IQANK1: variants seen among roughly 807,000 people sequenced by gnomAD.
IQANK1 encodes the protein IQ motif and ankyrin repeat containing 1.
Under a neutral mutation model 22.6 loss-of-function variants are expected in IQANK1, and 30 were observed. The observed-to-expected ratio is 1.33, with a 90% CI of 0.99 to 1.80. IQANK1 has a LOEUF of 1.80. Among genes scored for constraint, IQANK1 ranks in the 40% most tolerant of loss-of-function variants. The probability of loss-of-function intolerance (pLI) is 0.00; values close to 1 mark genes in which losing one functional copy is unlikely to be tolerated. For synonymous variants in IQANK1, 122 were observed against 99.6 expected (o/e 1.23, Z -1.34); for missense variants, 275 against 235.2 (o/e 1.17, Z -1.11).
rs782326772 is a variant in IQANK1 at position 143,742,462 on chromosome 8, G to A, written c.175+2514G>A. The A allele has an allele frequency of 6.1e-4, 277 of 455,950 alleles. 1 individual carries two copies. Among genetic ancestry groups the A allele is most frequent in the Non-Finnish European group, 8.8e-4 (199 of 226,810 alleles). The allele number at this position is 455,950 out of a possible 1,614,324, so 28.2% of individuals were successfully genotyped here. ...TCTGAGCTGCAAAAGGGGCGAATGCGATGTAGACACTTGGGCCCCGGGACT... is the reference window on the plus strand; with the variant it reads ...TCTGAGCTGCAAAAGGGGCGAATGCAATGTAGACACTTGGGCCCCGGGACT... On this transcript the variant is annotated intron_variant, in intron 3 of 13. Transcript: ENST00000527139.
intron 3 of IQANK1, among the ~76,000 whole-genome samples, chr8:143,747,658 A>G (rs1819057159): frequency 6.6e-6 from 1 of 151,834 alleles, no homozygotes; most frequent in Non-Finnish European, 1.5e-5. Flanking sequence ...AAAAAAGAGT[A>G]TATTGTTTAA....
chr8:143,743,743 G>T (rs782324784), intron 3 of IQANK1: 1 of 331,918 alleles, frequency 3.0e-6, no homozygotes, highest in Non-Finnish European at 5.9e-6. Context: ...AAATGATTTT[G>T]TTGTGTGAAT....
At chr8:143,768,297 G>A (rs1554629405) in intron 3 of IQANK1, among the ~76,000 whole-genome samples, 1 of 152,062 alleles carries the variant, frequency 6.6e-6, no homozygotes, top group African/African-American at 2.4e-5. Flanking sequence ...TTGTGACGTT[G>A]CCCTCGATCA....
At chr8:143,752,996 G>GGTTTTTTTTTTTTTTTT (rs368071885) in intron 3 of IQANK1, among the ~76,000 whole-genome samples, 1 of 69,904 alleles carries the variant, frequency 1.4e-5, no homozygotes, top group African/African-American at 6.2e-5. Flanking sequence ...CTCTCTGTTC[G>GGTTTTTTTTTTTTTTTT]TTTTTTTTTT....
intron 3 of IQANK1, chr8:143,759,207 T>C (rs1819346559): frequency 8.7e-6 from 2 of 229,736 alleles, no homozygotes; most frequent in Non-Finnish European, 1.8e-5. Flanking sequence ...GCAGCACTGC[T>C]TCACACTAGG....
chr8:143,787,634 G>A (rs1819917008), intron 7 of IQANK1, among the ~76,000 whole-genome samples: 2 of 152,096 alleles, frequency 1.3e-5, no homozygotes, highest in African/African-American at 4.8e-5. Flanking sequence ...CCAGTCTCCT[G>A]GAAGAGCTAC....
chr8:143,772,425 C>T lies in IQANK1; in HGVS notation c.732C>T (p.Leu244=). The T allele has an allele frequency of 2.5e-6, 1 of 399,354 alleles. No homozygotes were observed. Among genetic ancestry groups the T allele is most frequent in the Non-Finnish European group, 4.4e-6 (1 of 226,398 alleles). The allele number at this position is 399,354 out of a possible 1,614,324, so 24.7% of individuals were successfully genotyped here. A position where few individuals can be genotyped will look rare whatever the true frequency, so the allele number is the denominator to read the frequency against. ...GCCACCTGGCAGCTGTGGAGGTGCT[C>T]CTGAAGCTCGGAGCAGACCCCCGGG... ...FGGHLAAVEV[L]LKLGADPRVY... is the part of the protein sequence containing the mutation. Residue 244 remains leucine, a synonymous_variant, in exon 7 of 14, where the codon CTC becomes CTT. Coordinates refer to ENST00000527139, the MANE Select transcript of IQANK1 (RefSeq NM_001381874.1).
At chr8:143,744,633 G>A (rs1231545760) in intron 3 of IQANK1, 1 of 152,154 alleles carries the variant, frequency 6.6e-6, no homozygotes, top group Non-Finnish European at 1.5e-5. Context: ...AATGGAGATG[G>A]AAACCACCAC....
At chr8:143,787,851 C>G (rs1819923247) in intron 7 of IQANK1, among the ~76,000 whole-genome samples, 1 of 152,052 alleles carries the variant, frequency 6.6e-6, no homozygotes, top group Admixed American at 6.6e-5. Context: ...GCAGTGCCTT[C>G]TGCTTGCTCC....
At chr8:143,759,825 T>A (rs1340659273) in intron 3 of IQANK1, 1 of 152,192 alleles carries the variant, frequency 6.6e-6, no homozygotes, top group Non-Finnish European at 1.5e-5. Context: ...AAAGAAAAAT[T>A]GCAGGGCTTC....
intron 7 of IQANK1, among the ~76,000 whole-genome samples, chr8:143,785,091 A>G (rs1819861891): frequency 6.6e-6 from 1 of 151,018 alleles, no homozygotes; most frequent in Non-Finnish European, 1.5e-5. Flanking sequence ...GCTCTCTGCT[A>G]AAATCAATCT....
At position 143,771,574 on chromosome 8, in the gene IQANK1, G is replaced by GAGCGCCGGGAGT; in HGVS notation, c.264_275dup (p.Glu91_Tyr92insTer). The GAGCGCCGGGAGT allele has an allele frequency of 2.5e-6, 1 of 398,344 alleles. No homozygotes were observed. Among genetic ancestry groups the GAGCGCCGGGAGT allele is most frequent in the Non-Finnish European group, 4.4e-6 (1 of 225,876 alleles). 24.7% of individuals were successfully genotyped at this position (398,344 alleles called of 1,614,324 possible). Reference sequence around the variant, plus strand: ...GAGGGAGCTCGCCCGCCGCCGGGAGGAGCGCCGGGAGTACCTGGAGCAGAT... The same window carrying GAGCGCCGGGAGT: ...GAGGGAGCTCGCCCGCCGCCGGGAGGAGCGCCGGGAGTAGCGCCGGGAGTACCTGGAGCAGAT... On this transcript the variant is annotated stop_gained and inframe_insertion, in exon 4 of 14. Coordinates refer to ENST00000527139, the MANE Select transcript of IQANK1 (RefSeq NM_001381874.1). LOFTEE classifies it high-confidence loss of function. The surrounding 1 kb of genome is among the most constrained non-coding windows in gnomAD (Gnocchi z 6.0).
rs1216795835 is a variant in IQANK1, at chr8:143,766,349, T to C, written c.176-5139T>C. On this transcript the variant is annotated intron_variant, in intron 3 of 13. Transcript: ENST00000527139. ...TTCTCCCACTCACTGGCATTTTTAC[T>C]TTCAATGGTGTCTTCTCGTGAATAG... is the stretch of plus-strand genomic sequence containing the variant. 5.3e-5 allele frequency among the ~76,000 whole-genome samples: 8 copies of C among 152,322 alleles called. No individual in the cohort carries two copies. In the East Asian group the frequency reaches 1.5e-3, roughly 29 times the overall value.
At chr8:143,788,397 C>T (rs1459525971) in intron 7 of IQANK1, among the ~76,000 whole-genome samples, 3 of 152,244 alleles carry the variant, frequency 2.0e-5, no homozygotes, top group African/African-American at 7.2e-5. Context: ...CGGCTCTCTG[C>T]ACCCACTCCT....
chr8:143,755,609 C>G (rs1181049313), intron 3 of IQANK1, among the ~76,000 whole-genome samples: 7 of 152,182 alleles, frequency 4.6e-5, no homozygotes, highest in Non-Finnish European at 1.0e-4. Context: ...AGTGATCCTC[C>G]CGCCTTGGCC....
intron 7 of IQANK1, among the ~76,000 whole-genome samples, chr8:143,780,137 T>C (rs964974829): frequency 2.9e-4 from 44 of 152,260 alleles, no homozygotes; most frequent in African/African-American, 1.0e-3. Flanking sequence ...TCTCCCCAGA[T>C]CATCATATCC....
At chr8:143,766,993 C>T (rs73373145) in intron 3 of IQANK1, among the ~76,000 whole-genome samples, 9,480 of 152,288 alleles carry the variant, frequency 0.062, 1,010 homozygotes, top group African/African-American at 0.22. Flanking sequence ...CCCATATGCC[C>T]GGGGGCTGTT....
At position 143,790,602 on chromosome 8, in the gene IQANK1, C is replaced by T. The variant is rs1460106836; in HGVS notation, c.1677C>T (p.Gly559=). The T allele has an allele frequency of 7.5e-6, 3 of 398,744 alleles. No individual in the cohort carries two copies. Among genetic ancestry groups the T allele is most frequent in the Admixed American group, 8.8e-5 (2 of 22,726 alleles). The allele number at this position is 398,744 out of a possible 1,614,324, so 24.7% of individuals were successfully genotyped here. Residue 559 remains glycine (G), a synonymous_variant, in exon 14 of 14, where the codon GGC becomes GGT. Coordinates refer to ENST00000527139, the MANE Select transcript of IQANK1 (RefSeq NM_001381874.1). ...LPVRVQLPGT[G]L ...TGCGCGTGCAGCTGCCAGGCACAGG[C>T]CTCTAGTGCTGGCCCCAGTCCCAAT...
At chr8:143,783,084 G>A (rs1819825775) in intron 7 of IQANK1, among the ~76,000 whole-genome samples, 1 of 152,150 alleles carries the variant, frequency 6.6e-6, no homozygotes, top group Non-Finnish European at 1.5e-5. Context: ...TACTGCTGAT[G>A]AACGTTCAGT....
Sources: allele counts gnomAD v4.1 joint callset (sites outside exome capture counted in the v4.1 genomes callset), GRCh38; gene constraint gnomAD v4.1.1; non-coding constraint Gnocchi (gnomAD v3.1); transcripts MANE v1.5; gene names NCBI Gene and HGNC (gene_info 2026-07-23, HGNC 2026-07-21).